GSE1: variants seen among roughly 807,000 people sequenced by gnomAD.
The protein encoded by GSE1 is genetic suppressor element 1.
In GSE1, 32 loss-of-function variants were observed where a neutral mutation model predicts 112.6. That is an observed-to-expected ratio of 0.28 (90% confidence interval 0.21 to 0.38). The LOEUF (loss-of-function observed/expected upper bound fraction) is 0.38, where lower values mean the gene tolerates loss of function less well. GSE1 is among the 10% of genes least tolerant of loss of function. The pLI is 1.00. For synonymous variants in GSE1, 1,115 were observed against 735.6 expected (o/e 1.52, Z -8.35); for missense variants, 2,348 against 1,699.2 (o/e 1.38, Z -6.71).
At chr16:85,349,091 A>G (rs191804432) in intron 1 of GSE1, among the ~76,000 whole-genome samples, 68 of 152,192 alleles carry the variant, frequency 4.5e-4, no homozygotes, top group African/African-American at 1.6e-3. Context: ...CTGATTACTC[A>G]TTTGCCGGGT....
intron 2 of GSE1, among the ~76,000 whole-genome samples, chr16:85,365,807 G>C (rs1236757457): frequency 6.6e-6 from 1 of 152,246 alleles, no homozygotes; most frequent in Non-Finnish European, 1.5e-5. Context: ...GGCTGTGGAT[G>C]GCTTTCAGTG....
chr16:85,365,747 C>G (rs1053420520), intron 2 of GSE1, among the ~76,000 whole-genome samples: 1 of 152,230 alleles, frequency 6.6e-6, no homozygotes, highest in Non-Finnish European at 1.5e-5. Flanking sequence ...CATTTCCACT[C>G]TCTCTCTTCT....
In GSE1 at chr16:85,373,907, C is replaced by G. The variant is rs546215230; in HGVS notation, c.2464+16264C>G. On this transcript the variant is annotated intron_variant, in intron 2 of 2. Coordinates refer to the GSE1 transcript ENST00000637419. The surrounding 1 kb of genome is among the most constrained non-coding windows in gnomAD (Gnocchi z 5.1). Reference sequence around the variant, plus strand: ...GAGCGGCAGCCTCCAGGCACCCGCCCGGCCTCCCTCCCCGCTCCCCGCAGG... The same window carrying G: ...GAGCGGCAGCCTCCAGGCACCCGCCGGGCCTCCCTCCCCGCTCCCCGCAGG... Among the ~76,000 whole-genome samples, 1 of 152,178 alleles carries G rather than the reference C, an allele frequency of 6.6e-6. No individual in the cohort carries two copies. The highest frequency in any genetic ancestry group is 1.5e-5 in the Non-Finnish European group (1 of 68,034).
At chr16:85,228,905 C>T (rs909820087) in intron 1 of GSE1, among the ~76,000 whole-genome samples, 1 of 152,244 alleles carries the variant, frequency 6.6e-6, no homozygotes, top group Non-Finnish European at 1.5e-5. Context: ...AGAAGGAAAA[C>T]ATACCCGAAG....
intron 8 of GSE1, among the ~76,000 whole-genome samples, chr16:85,658,669 C>T (rs1238200146): frequency 6.6e-6 from 1 of 152,224 alleles, no homozygotes; most frequent in Non-Finnish European, 1.5e-5. Flanking sequence ...GAAGTGAGAT[C>T]CCTTCTGCCT....
chr16:85,169,589 C>T (rs1452676636), exon 1 of GSE1: 4 of 981,628 alleles, frequency 4.1e-6, no homozygotes, highest in African/African-American at 1.8e-5. Context: ...GGCGAGCGGG[C>T]TGCGGGCGGC....
chr16:85,474,666 C>T (rs1479073298), intron 2 of GSE1, among the ~76,000 whole-genome samples: 5 of 144,632 alleles, frequency 3.5e-5, no homozygotes, highest in Admixed American at 3.4e-4. Context: ...CCTCTTCCCC[C>T]TCCTCTCCTT....
rs562321637 is a variant in GSE1, at chr16:85,593,337, C to G, written c.37+36974C>G. The G allele has an allele frequency of 2.0e-5, 3 of 152,186 alleles. No individual in the cohort carries two copies. The East Asian group carries it at 5.8e-4, about 30-fold the overall frequency. 9.4% of individuals were successfully genotyped at this position (152,186 alleles called of 1,614,324 possible). A position where few individuals can be genotyped will look rare whatever the true frequency, so the allele number is the denominator to read the frequency against. ...TGCCCTGGCTCCATGGGGCCCAGCACAAGCTCTGGAGGCCACAGGAGTGCC... is the reference window on the plus strand; with the variant it reads ...TGCCCTGGCTCCATGGGGCCCAGCAGAAGCTCTGGAGGCCACAGGAGTGCC... On this transcript the variant is annotated intron_variant, in intron 1 of 2. Coordinates refer to the GSE1 transcript ENST00000635906.
At chr16:85,542,863 A>G (rs1350255136) in intron 2 of GSE1, among the ~76,000 whole-genome samples, 2 of 152,160 alleles carry the variant, frequency 1.3e-5, no homozygotes, top group African/African-American at 4.8e-5. Context: ...AATACAGGGT[A>G]CTCGGTAGTT....
intron 2 of GSE1, among the ~76,000 whole-genome samples, chr16:85,519,546 T>TCACCACCA (rs1473965240): frequency 6.5e-5 from 1 of 15,428 alleles, no homozygotes; most frequent in South Asian, 6.6e-3. Flanking sequence ...ATCATCACTA[T>TCACCACCA]TACCACCATC....
In GSE1 at chr16:85,281,744, G is replaced by A. The variant is rs373757252; in HGVS notation, c.2284-75719G>A. Among the ~76,000 whole-genome samples the A allele has an allele frequency of 2.6e-5, 4 of 152,326 alleles. No individual in the cohort carries two copies. The East Asian group carries it at 7.7e-4, about 29-fold the overall frequency. On this transcript the variant is annotated intron_variant, in intron 1 of 2. Transcript: ENST00000637419. ...CAGCCCACTTCAGGTTATAGGTGGT[G>A]TCCAGTGATGGGGTGGGAGGATGGA... is the stretch of plus-strand genomic sequence containing the variant.
At chr16:85,534,460 A>T (rs1356034371) in intron 2 of GSE1, among the ~76,000 whole-genome samples, 1 of 152,144 alleles carries the variant, frequency 6.6e-6, no homozygotes, top group Non-Finnish European at 1.5e-5. Flanking sequence ...AATATACATA[A>T]CATTACGTGG....
chr16:85,267,893 C>T lies in GSE1; in HGVS notation c.2284-89570C>T, dbSNP rs74031754. Among the ~76,000 whole-genome samples, 578 of 152,320 alleles carry T rather than the reference C, an allele frequency of 3.8e-3. 1 individual carries two copies. Among genetic ancestry groups the T allele is most frequent in the Middle Eastern group, 0.027 (8 of 294 alleles). The stretch of plus-strand genomic sequence containing the variant: ...AACCCCAGCTCTGCCACAGACTAAC[C>T]GTCGGCCCCAGCTAAGTGGCCTCTC... On this transcript the variant is annotated intron_variant, in intron 1 of 2. Coordinates refer to the GSE1 transcript ENST00000637419.
chr16:85,246,302 A>G (rs1471307252), intron 1 of GSE1, among the ~76,000 whole-genome samples: 1 of 78,546 alleles, frequency 1.3e-5, no homozygotes, highest in African/African-American at 5.7e-5. Context: ...CACACCCCAC[A>G]CGCTGTCTAC....
At chr16:85,277,863 G>C (rs1909523764) in intron 1 of GSE1, among the ~76,000 whole-genome samples, 1 of 152,242 alleles carries the variant, frequency 6.6e-6, no homozygotes, top group Non-Finnish European at 1.5e-5. Context: ...ACCAGCTGCT[G>C]CTGGGCCTCT....
intron 2 of GSE1, among the ~76,000 whole-genome samples, chr16:85,485,462 G>A (rs7185290): frequency 0.52 from 78,962 of 152,178 alleles, 21,118 homozygotes; most frequent in Non-Finnish European, 0.55. Flanking sequence ...GGGCGGCAAA[G>A]GAGGGAGCCA....
At chr16:85,176,380 A>C (rs1289906426) in intron 1 of GSE1, among the ~76,000 whole-genome samples, 1 of 152,190 alleles carries the variant, frequency 6.6e-6, no homozygotes, top group Non-Finnish European at 1.5e-5. Flanking sequence ...GTTAGCTTGC[A>C]TGGGGCAGAG....
At chr16:85,602,241 G>A (rs1180242083) in intron 1 of GSE1, among the ~76,000 whole-genome samples, 1 of 152,148 alleles carries the variant, frequency 6.6e-6, no homozygotes, top group African/African-American at 2.4e-5. Flanking sequence ...GGAGGCCGAG[G>A]CGGGGGCCAG....
intron 2 of GSE1, among the ~76,000 whole-genome samples, chr16:85,366,420 G>A (rs145768723): frequency 2.0e-5 from 3 of 152,244 alleles, no homozygotes; most frequent in Non-Finnish European, 4.4e-5. Flanking sequence ...TCCATAGTCT[G>A]TTTCCCTCTC....
Sources: gnomAD v4.1 joint callset for allele counts (sites outside exome capture counted in the v4.1 genomes callset) on GRCh38, gnomAD v4.1.1 for gene constraint, Gnocchi (gnomAD v3.1) non-coding constraint, MANE v1.5 for transcripts, NCBI Gene and HGNC (gene_info 2026-07-23, HGNC 2026-07-21) for gene names.